SCN2B: variants seen among roughly 807,000 people sequenced by gnomAD.
SCN2B encodes the protein sodium voltage-gated channel beta subunit 2, also known as sodium channel regulatory subunit beta-2.
SCN2B carries 14 observed loss-of-function variants against 18.2 expected under a neutral mutation model. The observed-to-expected ratio is 0.77, with a 90% CI of 0.51 to 1.21. The LOEUF is 1.21. Ranked by LOEUF, SCN2B falls within the 50% of genes most tolerant of loss-of-function variation. SCN2B has a pLI of 0.00. For synonymous variants in SCN2B, 115 were observed against 115.3 expected (o/e 1.00, Z 0.02); for missense variants, 262 against 286.9 (o/e 0.91, Z 0.63).
intron 3 of SCN2B, 117 bp from the exon 4 acceptor site, chr11:118,167,203 C>T: frequency 8.9e-7 from 1 of 1,126,636 alleles, no homozygotes; most frequent in Non-Finnish European, 1.2e-6. Flanking sequence ...ACAGACAGGA[C>T]TTTAGCAAAG....
chr11:118,169,934 G>C (rs1948417182), intron 1 of SCN2B, among the ~76,000 whole-genome samples: 1 of 152,172 alleles, frequency 6.6e-6, no homozygotes, highest in Non-Finnish European at 1.5e-5. Flanking sequence ...CACGCCCTAG[G>C]CACCTCACTG....
chr11:118,167,112 C>T (rs1292502014), intron 3 of SCN2B, 26 bp from the exon 4 acceptor site: 7 of 1,603,690 alleles, frequency 4.4e-6, no homozygotes, highest in Non-Finnish European at 5.1e-6. Context: ...AGCCACTGAG[C>T]ACCAGGGCTG....
At chr11:118,167,933 A>C in intron 3 of SCN2B, 152 bp downstream of exon 3, 1 of 707,004 alleles carries the variant, frequency 1.4e-6, no homozygotes, top group Non-Finnish European at 2.6e-6. Flanking sequence ...CTTGAGGACT[A>C]GAGGGAAGAA....
intron 1 of SCN2B, among the ~76,000 whole-genome samples, chr11:118,171,614 T>C (rs1948431722): frequency 6.6e-6 from 1 of 152,180 alleles, no homozygotes. Context: ...GTGCTCCAGA[T>C]TAGAACTTGA....
chr11:118,176,286 A>C, intron 1 of SCN2B, 76 bp downstream of exon 1: 1 of 1,329,214 alleles, frequency 7.5e-7, no homozygotes. Flanking sequence ...CTTCTTTCCT[A>C]TCCCCTGCCC....
In SCN2B at chr11:118,166,532, A is replaced by G; in HGVS notation, c.*355T>C. ...TCCTCTCTGAAGCCACTGCCAGGCC[A>G]AGCACTGGGCAGGTGGACAGCGGCC... On this transcript the variant is annotated 3_prime_UTR_variant, in exon 4 of 4. Transcript: ENST00000278947. 1 of 363,002 alleles carries G rather than the reference A, an allele frequency of 2.8e-6. No homozygotes were observed. The highest frequency in any genetic ancestry group is 2.4e-5 in the South Asian group (1 of 41,346). 22.5% of individuals were successfully genotyped at this position (363,002 alleles called of 1,614,324 possible).
chr11:118,169,856 C>T (rs964207555), intron 1 of SCN2B, among the ~76,000 whole-genome samples: 2 of 152,062 alleles, frequency 1.3e-5, no homozygotes, highest in Non-Finnish European at 2.9e-5. Flanking sequence ...GGGAGGCGAG[C>T]GAGGGGCCTG....
intron 1 of SCN2B, among the ~76,000 whole-genome samples, chr11:118,176,073 C>T (rs1204272276): frequency 6.6e-6 from 1 of 152,160 alleles, no homozygotes; most frequent in Non-Finnish European, 1.5e-5. Context: ...ACTCTCTGCC[C>T]CACCGCCACG....
rs755555763 is a variant in SCN2B at position 118,168,559 on chromosome 11, G to A, written c.237+26C>T. The stretch of plus-strand genomic sequence containing the variant: ...CCATGGGGCTCCTACCTCCTCCCCT[G>A]CCCCTGCCTTCAGCCCAGGACTCAC... On this transcript the variant is annotated intron_variant, in intron 2 of 3. Transcript: ENST00000278947. This position sits in a 1 kb window ranked among gnomAD's most constrained non-coding sequence, Gnocchi z 4.7. 1.2e-6 allele frequency: 2 copies of A among 1,613,776 alleles called. No homozygotes were observed. Among genetic ancestry groups the A allele is most frequent in the African/African-American group, 2.7e-5 (2 of 74,916 alleles).
intron 1 of SCN2B, among the ~76,000 whole-genome samples, chr11:118,173,050 C>T (rs1417931959): frequency 6.6e-6 from 1 of 152,130 alleles, no homozygotes; most frequent in Non-Finnish European, 1.5e-5. Flanking sequence ...CCCGGCCACT[C>T]CAGTCCATCC....
At chr11:118,170,018 C>T (rs1948418096) in intron 1 of SCN2B, among the ~76,000 whole-genome samples, 1 of 152,188 alleles carries the variant, frequency 6.6e-6, no homozygotes, top group Non-Finnish European at 1.5e-5. Context: ...CAGAAGATTC[C>T]TTTTCTTTAT....
At chr11:118,170,644 A>G (rs1055796769) in intron 1 of SCN2B, among the ~76,000 whole-genome samples, 1 of 152,174 alleles carries the variant, frequency 6.6e-6, no homozygotes, top group Non-Finnish European at 1.5e-5. Context: ...AATCGCATAG[A>G]CAAGGGGATG....
intron 3 of SCN2B, 85 bp downstream of exon 3, chr11:118,168,000 C>T (rs1213494968): frequency 8.6e-7 from 1 of 1,160,998 alleles, no homozygotes; most frequent in Middle Eastern, 2.4e-4. Flanking sequence ...AGGGCCTGGC[C>T]TCCCCAAAGT....
rs1192595114 is a variant in SCN2B at position 118,168,586 on chromosome 11, A to G, written c.236T>C (p.Met79Thr). 3.7e-6 allele frequency: 6 copies of G among 1,614,040 alleles called. No individual in the cohort carries two copies. Among genetic ancestry groups the G allele is most frequent in the Non-Finnish European group, 5.1e-6 (6 of 1,180,020 alleles). The change falls in exon 2 of 4, where the codon ATG becomes ACG. Residue 79 changes from methionine to threonine, a missense_variant and splice_region_variant. Transcript: ENST00000278947. The surrounding 1 kb of genome is among the most constrained non-coding windows in gnomAD (Gnocchi z 4.7). ...CCCTGCCTTCAGCCCAGGACTCACC[A>G]TCTCCTCAGAGCAGTTGTTGCACTC... ...YQECNNCSEE[M>T]FLQFRMKIIN...
chr11:118,171,326 C>A (rs1948429674), intron 1 of SCN2B, among the ~76,000 whole-genome samples: 1 of 152,226 alleles, frequency 6.6e-6, no homozygotes, highest in Non-Finnish European at 1.5e-5. Context: ...CCTGTACTTT[C>A]ATCGCCGTTC....
In SCN2B at chr11:118,164,728, C is replaced by G. The variant is rs1173621995; in HGVS notation, c.*2159G>C. Reference sequence around the variant, plus strand: ...AAAGTTAATCTTGGTCCCTACAGTGCCAACCTGGCAGTCCCCAGTGCTTAT... The same window carrying G: ...AAAGTTAATCTTGGTCCCTACAGTGGCAACCTGGCAGTCCCCAGTGCTTAT... On this transcript the variant is annotated 3_prime_UTR_variant, in exon 4 of 4. Transcript: ENST00000278947. 6.5e-6 allele frequency: 1 copy of G among 152,686 alleles called. No individual in the cohort carries two copies. The highest frequency in any genetic ancestry group is 1.5e-5 in the Non-Finnish European group (1 of 68,052). The allele number at this position is 152,686 out of a possible 1,614,324, so 9.5% of individuals were successfully genotyped here. A position where few individuals can be genotyped will look rare whatever the true frequency, so the allele number is the denominator to read the frequency against.
chr11:118,173,685 T>A (rs1443042788), intron 1 of SCN2B, among the ~76,000 whole-genome samples: 1 of 152,202 alleles, frequency 6.6e-6, no homozygotes, highest in Admixed American at 6.5e-5. Flanking sequence ...CATACAATGT[T>A]GTCTTGTTAT....
In SCN2B at chr11:118,164,738, A is replaced by C. The variant is rs542712131; in HGVS notation, c.*2149T>G. 80 of 152,850 alleles carry C rather than the reference A, an allele frequency of 5.2e-4. No individual in the cohort carries two copies. The highest frequency in any genetic ancestry group is 1.9e-3 in the African/African-American group (79 of 41,598). The allele number at this position is 152,850 out of a possible 1,614,324, so 9.5% of individuals were successfully genotyped here. ...TTGGTCCCTACAGTGCCAACCTGGC[A>C]GTCCCCAGTGCTTATGGCTTTGTGT... On this transcript the variant is annotated 3_prime_UTR_variant, in exon 4 of 4. Transcript: ENST00000278947.
At position 118,166,327 on chromosome 11, in the gene SCN2B, C is replaced by A. The variant is rs1858689093; in HGVS notation, c.*560G>T. 1 of 168,306 alleles carries A rather than the reference C, an allele frequency of 5.9e-6. No individual in the cohort carries two copies. Among genetic ancestry groups the A allele is most frequent in the Non-Finnish European group, 1.3e-5 (1 of 77,254 alleles). 10.4% of individuals were successfully genotyped at this position (168,306 alleles called of 1,614,324 possible). A position where few individuals can be genotyped will look rare whatever the true frequency, so the allele number is the denominator to read the frequency against. ...TTTGCCTGCAGCCCTGGCTTTCCGTCAGTGCCCTGGAATGCACAGTCATCC... is the reference window on the plus strand; with the variant it reads ...TTTGCCTGCAGCCCTGGCTTTCCGTAAGTGCCCTGGAATGCACAGTCATCC... On this transcript the variant is annotated 3_prime_UTR_variant, in exon 4 of 4. Transcript: ENST00000278947.
Sources: allele counts gnomAD v4.1 joint callset (sites outside exome capture counted in the v4.1 genomes callset), GRCh38; gene constraint gnomAD v4.1.1; non-coding constraint Gnocchi (gnomAD v3.1); transcripts MANE v1.5; gene names NCBI Gene and HGNC (gene_info 2026-07-23, HGNC 2026-07-21).